Variants in LRRC7 observed in about 807,000 individuals in gnomAD.
The protein encoded by LRRC7 is leucine-rich repeat-containing protein 7.
A neutral mutation model predicts 175.7 loss-of-function variants in LRRC7; 23 were observed. The observed-to-expected ratio is 0.13, with a 90% confidence interval of 0.09 to 0.19. The LOEUF is 0.19. Ranked by LOEUF, LRRC7 falls within the 10% of genes least tolerant of loss-of-function variation. The pLI, the probability that LRRC7 is intolerant of heterozygous loss-of-function variation, is 1.00. For missense variants in LRRC7, 1,354 were observed against 1,904.7 expected (o/e 0.71, Z 5.38); for synonymous variants, 685 against 680.9 (o/e 1.01, Z -0.09).
intron 7 of LRRC7, among the ~76,000 whole-genome samples, chr1:69,905,329 C>A (rs1440592913): frequency 6.6e-6 from 1 of 151,874 alleles, no homozygotes; most frequent in African/African-American, 2.4e-5. Flanking sequence ...CATATGTATA[C>A]ATGTGCCATG....
intron 1 of LRRC7, among the ~76,000 whole-genome samples, chr1:69,600,775 C>A (rs563424581): frequency 7.3e-6 from 1 of 137,052 alleles, no homozygotes; most frequent in African/African-American, 2.6e-5. Flanking sequence ...TTAGAATTAG[C>A]CATTTCTCCA....
intron 2 of LRRC7, among the ~76,000 whole-genome samples, chr1:69,715,511 A>G (rs1200647276): frequency 2.0e-5 from 3 of 152,038 alleles, no homozygotes; most frequent in Non-Finnish European, 4.4e-5. Flanking sequence ...TCTAAAATAC[A>G]CTTAATTACA....
chr1:69,776,438 T>C (rs1169177054), intron 3 of LRRC7, among the ~76,000 whole-genome samples: 3 of 152,172 alleles, frequency 2.0e-5, no homozygotes, highest in Admixed American at 2.0e-4. Context: ...TGATATAAAA[T>C]GAAATAAATC....
intron 24 of LRRC7, among the ~76,000 whole-genome samples, chr1:70,077,173 A>C (rs997281280): frequency 5.9e-5 from 9 of 152,000 alleles, no homozygotes; most frequent in Admixed American, 1.3e-4. Flanking sequence ...CATTCTCCAG[A>C]TTTTCCCTTT....
chr1:69,694,232 C>T (rs1662269351), intron 2 of LRRC7, among the ~76,000 whole-genome samples: 2 of 152,188 alleles, frequency 1.3e-5, no homozygotes, highest in Non-Finnish European at 1.5e-5. Context: ...TACATGTATC[C>T]TCACCTATAA....
intron 7 of LRRC7, among the ~76,000 whole-genome samples, chr1:69,885,289 T>G (rs1290990348): frequency 1.4e-5 from 2 of 144,552 alleles, no homozygotes; most frequent in Non-Finnish European, 3.0e-5. Context: ...TGCCACAATT[T>G]CAGCTCCTGT....
chr1:69,921,076 G>T (rs1646875060), intron 7 of LRRC7, among the ~76,000 whole-genome samples: 1 of 152,168 alleles, frequency 6.6e-6, no homozygotes, highest in African/African-American at 2.4e-5. Flanking sequence ...TCTTTGGGCT[G>T]CTGGTGGTCC....
intron 2 of LRRC7, among the ~76,000 whole-genome samples, chr1:69,693,459 T>C (rs1193833333): frequency 2.0e-5 from 3 of 152,180 alleles, no homozygotes; most frequent in African/African-American, 7.2e-5. Context: ...GATAGGCCGA[T>C]AGGCTGGAGA....
intron 2 of LRRC7, among the ~76,000 whole-genome samples, chr1:69,738,233 G>A (rs1668332367): frequency 1.3e-5 from 2 of 151,886 alleles, no homozygotes; most frequent in African/African-American, 2.4e-5. Flanking sequence ...TAGAGGGAAC[G>A]TTTCTCTTTT....
intron 8 of LRRC7, among the ~76,000 whole-genome samples, chr1:69,974,130 A>C (rs1453229121): frequency 2.0e-5 from 3 of 152,158 alleles, no homozygotes; most frequent in African/African-American, 7.2e-5. Flanking sequence ...AATTTTCTGT[A>C]CTTGCTTACT....
At chr1:69,783,262 C>T (rs1673982262) in intron 3 of LRRC7, among the ~76,000 whole-genome samples, 1 of 152,170 alleles carries the variant, frequency 6.6e-6, no homozygotes, top group Non-Finnish European at 1.5e-5. Context: ...GGCATTCTCT[C>T]ATATTTCTTT....
At chr1:69,883,154 G>T (rs1686809866) in intron 7 of LRRC7, among the ~76,000 whole-genome samples, 1 of 151,804 alleles carries the variant, frequency 6.6e-6, no homozygotes, top group African/African-American at 2.4e-5. Context: ...GGGTCAAATG[G>T]TATTTCTAAT....
chr1:69,736,437 TA>T (rs1668122593), intron 2 of LRRC7, among the ~76,000 whole-genome samples: 1 of 152,154 alleles, frequency 6.6e-6, no homozygotes, highest in African/African-American at 2.4e-5. Context: ...CTTCAGACTT[TA>T]ACAGAATCCA....
intron 4 of LRRC7, among the ~76,000 whole-genome samples, chr1:69,823,548 A>AGT (rs398102851): frequency 2.0e-5 from 3 of 151,866 alleles, no homozygotes; most frequent in African/African-American, 4.8e-5. Context: ...TGGGAAAAAA[A>AGT]GTGTGTGTGT....
chr1:70,027,031 CT>C lies in LRRC7; in HGVS notation c.1795-1139del, dbSNP rs566126538. Among the ~76,000 whole-genome samples, 326 of 152,074 alleles carry C rather than the reference CT, an allele frequency of 2.1e-3. 3 individuals carry two copies. The highest frequency in any genetic ancestry group is 7.5e-3 in the African/African-American group (311 of 41,510). Reference sequence around the variant, plus strand: ...TGTGGGGGTGGGTGCGGATGTGCCCCTCACTCTTTCTCTCCCTTTTCCGATC... The same window carrying C: ...TGTGGGGGTGGGTGCGGATGTGCCCCCACTCTTTCTCTCCCTTTTCCGATC... On this transcript the variant is annotated intron_variant, in intron 17 of 26. Coordinates refer to ENST00000651989, the MANE Select transcript of LRRC7 (RefSeq NM_001370785.2).
Position 69,838,997 on chromosome 1 carries a change from T to A in LRRC7, c.647+714T>A, listed in dbSNP as rs569359183. 12 of 239,106 alleles carry A rather than the reference T, an allele frequency of 5.0e-5. No individual in the cohort carries two copies. In the East Asian group the frequency reaches 7.3e-4, roughly 15 times the overall value. The allele number at this position is 239,106 out of a possible 1,614,324, so 14.8% of individuals were successfully genotyped here. ...CTCAATTAAATCAGTATAACTTGTA[T>A]ATGTTATGATGAAAATATTTAAAGT... On this transcript the variant is annotated intron_variant, in intron 7 of 26. Transcript: ENST00000651989.
intron 23 of LRRC7, among the ~76,000 whole-genome samples, chr1:70,071,829 A>G (rs1662411149): frequency 6.6e-6 from 1 of 152,192 alleles, no homozygotes; most frequent in African/African-American, 2.4e-5. Flanking sequence ...GAGTAACATA[A>G]TATACTTCTT....
intron 1 of LRRC7, among the ~76,000 whole-genome samples, chr1:69,639,791 A>G (rs916134485): frequency 1.3e-5 from 2 of 151,834 alleles, no homozygotes; most frequent in Admixed American, 1.3e-4. Context: ...TTTGAATTAT[A>G]TCAATACCTA....
chr1:69,899,067 G>A (rs553560346), intron 7 of LRRC7, among the ~76,000 whole-genome samples: 1 of 152,334 alleles, frequency 6.6e-6, no homozygotes, highest in African/African-American at 2.4e-5. Flanking sequence ...GGCTATTGGA[G>A]ATTTTAGTAT....
Sources: gnomAD v4.1 joint callset for allele counts (sites outside exome capture counted in the v4.1 genomes callset) on GRCh38, gnomAD v4.1.1 for gene constraint, MANE v1.5 for transcripts, NCBI Gene and HGNC (gene_info 2026-07-23, HGNC 2026-07-21) for gene names.